The following U2AF2 variants were observed in gnomAD, a reference collection of about 807,000 sequenced individuals.
U2AF2 encodes splicing factor U2AF 65 kDa subunit.
In U2AF2, 6 loss-of-function variants were observed where a neutral mutation model predicts 52.6. The ratio of observed to expected loss-of-function variants is 0.11; its 90% confidence interval spans 0.06 to 0.23. U2AF2 has a LOEUF of 0.23. Among genes scored for constraint, U2AF2 ranks in the 10% least tolerant of loss-of-function variants. The pLI, the probability that U2AF2 is intolerant of heterozygous loss-of-function variation, is 1.00. For missense variants in U2AF2, 222 were observed against 677.1 expected, an observed-to-expected ratio of 0.33 and a Z score of 7.46; for synonymous variants, 284 against 258.2, an observed-to-expected ratio of 1.10 and a Z score of -0.96.
Position 55,674,064 on chromosome 19 carries a change from G to A in U2AF2, c.1424G>A (p.Trp475Ter). 1 of 1,607,604 alleles carries A rather than the reference G, an allele frequency of 6.2e-7. No individual in the cohort carries two copies. The highest frequency in any genetic ancestry group is 8.5e-7 in the Non-Finnish European group (1 of 1,176,704). Residue 475 changes from tryptophan (W) to a stop codon, truncating the protein, a stop_gained, in exon 12 of 12, where the codon TGG becomes TAG. Transcript: ENST00000308924. LOFTEE classifies it high-confidence loss of function. ...GACTCTTATCACCGCCGGGACTTCT[G>A]GTAGAGGCGGCTGGGGGAGGGTGGG... ...DPDSYHRRDF[W>*]
At chr19:55,669,859 A>G (rs1984779887) in intron 11 of U2AF2, among the ~76,000 whole-genome samples, 167 bp downstream of exon 11, 1 of 151,976 alleles carries the variant, frequency 6.6e-6, no homozygotes, top group Admixed American at 6.5e-5. Context: ...GTATGCCATC[A>G]CTGAGTGCCG....
intron 11 of U2AF2, chr19:55,671,545 T>G (rs989789842): frequency 6.6e-6 from 1 of 151,320 alleles, no homozygotes; most frequent in Non-Finnish European, 1.5e-5. Context: ...GATGTCGGAG[T>G]GGTTTGCCCA....
rs1984700747 is a variant in U2AF2, at chr19:55,668,810, G to GGCCGCT, written c.945+24_945+29dup. On this transcript the variant is annotated intron_variant, in intron 9 of 11. Transcript: ENST00000308924. This position sits in a 1 kb window ranked among gnomAD's most constrained non-coding sequence, Gnocchi z 5.5. ...CGGATCAGGTGAGTCCCCGGTCGCT[G>GGCCGCT]GCCGCTGCCGCGTCTGTCCTTCCCT... 1 of 1,603,318 alleles carries GGCCGCT rather than the reference G, an allele frequency of 6.2e-7. No individual in the cohort carries two copies. Among genetic ancestry groups the GGCCGCT allele is most frequent in the Non-Finnish European group, 8.5e-7 (1 of 1,172,894 alleles).
intron 6 of U2AF2, among the ~76,000 whole-genome samples, chr19:55,662,908 C>G (rs775806838): frequency 6.6e-6 from 1 of 152,110 alleles, no homozygotes; most frequent in Non-Finnish European, 1.5e-5. Flanking sequence ...GCCACACTGA[C>G]CTTCCCAGAA....
At position 55,669,507 on chromosome 19, in the gene U2AF2, A is replaced by G. The variant is rs1165157669; in HGVS notation, c.1108A>G (p.Met370Val). The G allele has an allele frequency of 1.2e-6, 2 of 1,613,728 alleles. No homozygotes were observed. Among genetic ancestry groups the G allele is most frequent in the African/African-American group, 1.3e-5 (1 of 74,876 alleles). The change falls in exon 11 of 12, where the codon ATG becomes GTG. Residue 370 changes from methionine to valine, a missense_variant. Transcript: ENST00000308924. ...VPGLMSSQVQMGGHPTEVLCL... is the reference protein window; with the variant it reads ...VPGLMSSQVQVGGHPTEVLCL... Reference sequence around the variant, plus strand: ...GGGCTTGATGAGCTCCCAGGTGCAGATGGGCGGCCACCCGACTGAGGTCCT... The same window carrying G: ...GGGCTTGATGAGCTCCCAGGTGCAGGTGGGCGGCCACCCGACTGAGGTCCT...
At position 55,659,324 on chromosome 19, in the gene U2AF2, C is replaced by G. The variant is rs1277684284; in HGVS notation, c.164C>G (p.Ser55Cys). The change falls in exon 2 of 12, where the codon TCC (serine) becomes TGC (cysteine). Residue 55 changes from serine (S) to cysteine (C), a missense_variant. By Grantham distance (112) the Ser-to-Cys change is moderately radical (BLOSUM62 -1). Around this residue, in one of 4 missense-constraint regions of U2AF2, gnomAD observed 100 missense variants for 144.1 expected, o/e 0.69. Coordinates refer to ENST00000308924, the MANE Select transcript of U2AF2 (RefSeq NM_007279.3). The stretch of plus-strand genomic sequence containing the variant: ...CGCAACCGGGACCAGCGGAGCGCCT[C>G]CCGGGACAGGCGACGACGCAGGTAC... ...DRRNRDQRSA[S>C]RDRRRRSKPL... 6.4e-7 allele frequency: 1 copy of G among 1,563,046 alleles called. No homozygotes were observed. The highest frequency in any genetic ancestry group is 1.4e-5 in the African/African-American group (1 of 73,288).
intron 10 of U2AF2, 92 bp from the exon 11 acceptor site, chr19:55,669,352 C>T (rs1026738335): frequency 1.6e-5 from 24 of 1,542,972 alleles, no homozygotes; most frequent in Non-Finnish European, 2.0e-5. Flanking sequence ...GATGGCCTTT[C>T]CCCTGGGGGG....
At chr19:55,661,517 C>G (rs988387694) in intron 5 of U2AF2, among the ~76,000 whole-genome samples, 16 of 126,836 alleles carry the variant, frequency 1.3e-4, no homozygotes, top group Non-Finnish European at 2.2e-4. Flanking sequence ...CACACACACA[C>G]ACACACACAC....
Position 55,660,636 on chromosome 19 carries a change from GC to G in U2AF2, c.334+18del, listed in dbSNP as rs1984121211. 6.2e-7 allele frequency: 1 copy of G among 1,609,744 alleles called. No individual in the cohort carries two copies. Among genetic ancestry groups the G allele is most frequent in the East Asian group, 2.2e-5 (1 of 44,836 alleles). ...CCATGCAAGGTAGGCCCCTGGCCAG[GC>G]TGCTCCCAGAGCGGGAGGGTACAGG... is the stretch of plus-strand genomic sequence containing the variant. On this transcript the variant is annotated intron_variant, in intron 4 of 11. Transcript: ENST00000308924.
At position 55,660,503 on chromosome 19, in the gene U2AF2, C is replaced by T. The variant is rs376143350; in HGVS notation, c.231-13C>T. ...GGTTGCCCTGCCCCGCTCTCCCCTCCCACCTCCCCCAGTCGTTCCCCCCGC... is the reference window on the plus strand; with the variant it reads ...GGTTGCCCTGCCCCGCTCTCCCCTCTCACCTCCCCCAGTCGTTCCCCCCGC... On this transcript the variant is annotated splice_polypyrimidine_tract_variant and intron_variant, in intron 3 of 11. Coordinates refer to ENST00000308924, the MANE Select transcript of U2AF2 (RefSeq NM_007279.3). The T allele has an allele frequency of 1.8e-6, 2 of 1,087,800 alleles. No individual in the cohort carries two copies. The highest frequency in any genetic ancestry group is 1.6e-5 in the African/African-American group (1 of 63,242). The allele number at this position is 1,087,800 out of a possible 1,614,324, so 67.4% of individuals were successfully genotyped here. A position where few individuals can be genotyped will look rare whatever the true frequency, so the allele number is the denominator to read the frequency against.
At position 55,660,160 on chromosome 19, in the gene U2AF2, T is replaced by TCC; in HGVS notation, c.186-15_186-14dup. 1.3e-6 allele frequency: 2 copies of TCC among 1,595,006 alleles called. No individual in the cohort carries two copies. The highest frequency in any genetic ancestry group is 8.6e-7 in the Non-Finnish European group (1 of 1,167,824). On this transcript the variant is annotated splice_polypyrimidine_tract_variant and intron_variant, in intron 2 of 11. Transcript: ENST00000308924. ...CCCCAGTCACCCCTCCCCATACCTT[T>TCC]CCCTCCCACCCCCCAGCAAACCTTT...
In U2AF2 at chr19:55,662,695, A is replaced by T. The variant is rs531485383; in HGVS notation, c.603+77A>T. The T allele has an allele frequency of 5.2e-6, 7 of 1,345,124 alleles. No individual in the cohort carries two copies. In the African/African-American group the frequency reaches 1.0e-4, roughly 19 times the overall value. The allele number at this position is 1,345,124 out of a possible 1,614,324, so 83.3% of individuals were successfully genotyped here. A position where few individuals can be genotyped will look rare whatever the true frequency, so the allele number is the denominator to read the frequency against. ...CAGCCCTTAGGCTGATGTTGTGTGG[A>T]GCTGCCTTGTGCTGTTTCCACCAGG... is the stretch of plus-strand genomic sequence containing the variant. On this transcript the variant is annotated intron_variant, in intron 6 of 11. Coordinates refer to ENST00000308924, the MANE Select transcript of U2AF2 (RefSeq NM_007279.3).
chr19:55,664,077 G>T, intron 7 of U2AF2: 1 of 265,018 alleles, frequency 3.8e-6, no homozygotes. Context: ...GGAGGGCTCA[G>T]TCTGTGCCCG....
At chr19:55,658,517 G>A (rs1983945320) in intron 1 of U2AF2, among the ~76,000 whole-genome samples, 1 of 152,178 alleles carries the variant, frequency 6.6e-6, no homozygotes, top group African/African-American at 2.4e-5. Flanking sequence ...ACTTGGCTTT[G>A]AAGGGAGTGA....
At chr19:55,673,817 T>C (rs1985091951) in intron 11 of U2AF2, 117 bp from the exon 12 acceptor site, 1 of 1,422,506 alleles carries the variant, frequency 7.0e-7, no homozygotes, top group African/African-American at 1.4e-5. Context: ...TTCTGACACC[T>C]GTGGCGAAGC....
At chr19:55,658,218 T>C (rs1004016193) in intron 1 of U2AF2, among the ~76,000 whole-genome samples, 7 of 152,132 alleles carry the variant, frequency 4.6e-5, no homozygotes, top group Non-Finnish European at 8.8e-5. Context: ...ATCTGTTTTG[T>C]GTGTGTGCTT....
intron 6 of U2AF2, among the ~76,000 whole-genome samples, chr19:55,663,318 C>T (rs777989236): frequency 4.7e-4 from 71 of 152,178 alleles, no homozygotes; most frequent in Non-Finnish European, 9.1e-4. Flanking sequence ...TAACCTTTCC[C>T]GTAACATCCC....
At chr19:55,661,300 AC>A in intron 5 of U2AF2, 111 bp downstream of exon 5, 31 of 1,193,922 alleles carry the variant, frequency 2.6e-5, no homozygotes, top group South Asian at 8.9e-5. Context: ...CTCCTGCAAG[AC>A]CCCCCGGCCC....
chr19:55,661,365 C>T (rs905042549), intron 5 of U2AF2, 176 bp downstream of exon 5: 15 of 568,938 alleles, frequency 2.6e-5, no homozygotes, highest in South Asian at 3.4e-5. Flanking sequence ...CTGGGGGTGG[C>T]CCTCCCTCCC....
Sources: gnomAD v4.1 joint callset for allele counts (sites outside exome capture counted in the v4.1 genomes callset) on GRCh38, gnomAD v4.1.1 for gene constraint, gnomAD v4.1.1 regional missense constraint, Gnocchi (gnomAD v3.1) non-coding constraint, MANE v1.5 for transcripts, NCBI Gene and HGNC (gene_info 2026-07-23, HGNC 2026-07-21) for gene names.